The following DIS3L2 variants were observed in gnomAD, a reference collection of about 807,000 sequenced individuals.
The protein encoded by DIS3L2 is DIS3 like 3'-5' exoribonuclease 2.
In DIS3L2, 34 loss-of-function variants were observed where a neutral mutation model predicts 97.5. The ratio of observed to expected loss-of-function variants is 0.35; its 90% CI spans 0.27 to 0.46. The LOEUF is 0.46. Among genes scored for constraint, DIS3L2 ranks in the 20% least tolerant of loss-of-function variants. The pLI, the probability that DIS3L2 is intolerant of heterozygous loss-of-function variation, is 1.00. For synonymous variants in DIS3L2, 435 were observed against 445.2 expected, an observed-to-expected ratio of 0.98 and a Z score of 0.29; for missense variants, 1,038 against 1,146.0, an observed-to-expected ratio of 0.91 and a Z score of 1.36.
chr2:232,067,495 G>A (rs1023774159), intron 5 of DIS3L2, among the ~76,000 whole-genome samples: 1 of 152,038 alleles, frequency 6.6e-6, no homozygotes, highest in Non-Finnish European at 1.5e-5. Context: ...TATAGTCAGA[G>A]GGCATACTCT....
intron 10 of DIS3L2, among the ~76,000 whole-genome samples, chr2:232,220,408 G>C (rs150691802): frequency 6.4e-4 from 97 of 152,122 alleles, no homozygotes; most frequent in East Asian, 4.1e-3. Flanking sequence ...CTATAAGTTG[G>C]GAGAAATAGA....
intron 8 of DIS3L2, among the ~76,000 whole-genome samples, chr2:232,158,306 C>CAT (rs368545845): frequency 0.06 from 9,101 of 150,540 alleles, 382 homozygotes; most frequent in African/African-American, 0.11. Context: ...TCCTTTATAT[C>CAT]GTGTGTGTGT....
chr2:231,997,446 TA>T (rs1272164318), intron 1 of DIS3L2, among the ~76,000 whole-genome samples: 1 of 152,264 alleles, frequency 6.6e-6, no homozygotes, highest in Non-Finnish European at 1.5e-5. Flanking sequence ...TTGCAGCTAA[TA>T]AATCTGTTTT....
intron 12 of DIS3L2, among the ~76,000 whole-genome samples, chr2:232,258,457 G>C (rs142552708): frequency 6.6e-6 from 1 of 152,194 alleles, no homozygotes; most frequent in African/African-American, 2.4e-5. Context: ...GGTGGCATGT[G>C]CCTGTAGTCC....
At chr2:231,992,682 T>C (rs2106192890) in intron 1 of DIS3L2, among the ~76,000 whole-genome samples, 1 of 152,268 alleles carries the variant, frequency 6.6e-6, no homozygotes, top group South Asian at 2.1e-4. Context: ...CTAAGTGTAA[T>C]GAACACTTAA....
chr2:232,161,996 C>T (rs1007061388), intron 8 of DIS3L2, among the ~76,000 whole-genome samples: 7 of 152,154 alleles, frequency 4.6e-5, no homozygotes, highest in African/African-American at 1.4e-4. Context: ...TGGTCTCGAT[C>T]TCCTGACCTT....
chr2:232,026,912 CT>C (rs1197185783), intron 4 of DIS3L2, among the ~76,000 whole-genome samples: 1 of 152,074 alleles, frequency 6.6e-6, no homozygotes, highest in African/African-American at 2.4e-5. Flanking sequence ...TTCTATGCCT[CT>C]TTTATTCTTT....
At chr2:232,022,015 A>AT (rs1694532941) in intron 3 of DIS3L2, among the ~76,000 whole-genome samples, 1 of 152,142 alleles carries the variant, frequency 6.6e-6, no homozygotes, top group East Asian at 1.9e-4. Context: ...GAGATGGGCA[A>AT]TTGGGTCAGG....
intron 8 of DIS3L2, among the ~76,000 whole-genome samples, chr2:232,158,059 A>C (rs75757067): frequency 6.6e-6 from 1 of 152,110 alleles, no homozygotes; most frequent in South Asian, 2.1e-4. Flanking sequence ...GTCCCTATCC[A>C]TCTGGTTAAA....
intron 5 of DIS3L2, among the ~76,000 whole-genome samples, chr2:232,072,783 G>GGTGTGTGT (rs56884799): frequency 0.019 from 2,638 of 139,866 alleles, 82 homozygotes; most frequent in East Asian, 0.065. Context: ...TGGGATGTGG[G>GGTGTGTGT]GTGTGTGTGT....
At chr2:232,213,661 GTTTTTT>G (rs67846645) in intron 10 of DIS3L2, among the ~76,000 whole-genome samples, 1,559 of 80,776 alleles carry the variant, frequency 0.019, 20 homozygotes, top group Non-Finnish European at 0.026. Flanking sequence ...ATCATCTGTA[GTTTTTT>G]TTTTTTTTTT....
At chr2:232,065,210 A>G (rs1695820937) in intron 5 of DIS3L2, among the ~76,000 whole-genome samples, 1 of 152,052 alleles carries the variant, frequency 6.6e-6, no homozygotes, top group Admixed American at 6.6e-5. Context: ...AACTTAATTC[A>G]TTTTATACAA....
chr2:232,255,882 T>C (rs1235758782), intron 12 of DIS3L2, among the ~76,000 whole-genome samples: 1 of 152,218 alleles, frequency 6.6e-6, no homozygotes, highest in Non-Finnish European at 1.5e-5. Flanking sequence ...TACATCTGCA[T>C]CCAGTCTGCC....
At chr2:232,119,363 A>C (rs555360460) in intron 6 of DIS3L2, among the ~76,000 whole-genome samples, 1 of 152,224 alleles carries the variant, frequency 6.6e-6, no homozygotes, top group Admixed American at 6.5e-5. Context: ...AGTAAACACC[A>C]TATTTCTAGT....
At chr2:232,184,481 T>C (rs990533930) in intron 9 of DIS3L2, among the ~76,000 whole-genome samples, 4 of 152,070 alleles carry the variant, frequency 2.6e-5, no homozygotes, top group Admixed American at 2.0e-4. Flanking sequence ...CAAAACCCCA[T>C]CTGTACAAAA....
chr2:232,342,821 C>T (rs1696142146), intron 13 of DIS3L2, among the ~76,000 whole-genome samples: 1 of 152,186 alleles, frequency 6.6e-6, no homozygotes, highest in Admixed American at 6.5e-5. Context: ...GGGTGAGGGG[C>T]CAGTCCCTGG....
intron 6 of DIS3L2, among the ~76,000 whole-genome samples, chr2:232,115,758 T>C (rs1208496028): frequency 6.6e-6 from 1 of 152,200 alleles, no homozygotes; most frequent in African/African-American, 2.4e-5. Context: ...TGCCTTCCAC[T>C]GTGATTGTAA....
intron 5 of DIS3L2, among the ~76,000 whole-genome samples, chr2:232,072,412 T>C (rs1321018008): frequency 6.6e-6 from 1 of 152,070 alleles, no homozygotes; most frequent in Non-Finnish European, 1.5e-5. Context: ...TCTTGGGGAA[T>C]GGCAGTGCGT....
chr2:232,146,444 G>A (rs1320841270), intron 8 of DIS3L2, among the ~76,000 whole-genome samples: 2 of 152,186 alleles, frequency 1.3e-5, no homozygotes, highest in Non-Finnish European at 2.9e-5. Flanking sequence ...ATCTCATATA[G>A]TGGGAATTCA....
Sources: allele counts gnomAD v4.1 joint callset (sites outside exome capture counted in the v4.1 genomes callset), GRCh38; gene constraint gnomAD v4.1.1; transcripts MANE v1.5; gene names NCBI Gene and HGNC (gene_info 2026-07-23, HGNC 2026-07-21).